The following GBE1 variants were observed in gnomAD, a reference collection of about 807,000 sequenced individuals.
GBE1 encodes 1,4-alpha-glucan branching enzyme 1.
Under a neutral mutation model 88.8 loss-of-function variants are expected in GBE1, and 70 were observed. The observed-to-expected ratio is 0.79, with a 90% CI of 0.65 to 0.96. The LOEUF (loss-of-function observed/expected upper bound fraction) is 0.96, where lower values mean the gene tolerates loss of function less well. Among genes scored for constraint, GBE1 ranks in the 40% least tolerant of loss-of-function variants. The probability of loss-of-function intolerance (pLI) is 0.00; values close to 1 mark genes in which losing one functional copy is unlikely to be tolerated. For missense variants in GBE1, 872 were observed against 871.0 expected (o/e 1.00, Z -0.01); for synonymous variants, 284 against 300.1 (o/e 0.95, Z 0.56).
At chr3:81,718,615 A>G (rs1339759440) in intron 1 of GBE1, among the ~76,000 whole-genome samples, 2 of 151,986 alleles carry the variant, frequency 1.3e-5, no homozygotes, top group Non-Finnish European at 2.9e-5. Context: ...TATCACTCCA[A>G]TAAGTTTGTT....
intron 7 of GBE1, among the ~76,000 whole-genome samples, chr3:81,595,442 G>T (rs971951934): frequency 2.0e-5 from 3 of 151,628 alleles, no homozygotes; most frequent in Non-Finnish European, 4.4e-5. Flanking sequence ...AAATTGAAAG[G>T]AAGATACAGA....
intron 12 of GBE1, among the ~76,000 whole-genome samples, chr3:81,571,522 T>C (rs1157957317): frequency 4.6e-5 from 7 of 152,310 alleles, no homozygotes; most frequent in African/African-American, 4.8e-5. Flanking sequence ...GAATCATTTA[T>C]GTTTCGAGGT....
chr3:81,602,967 G>A (rs565094648), intron 7 of GBE1, among the ~76,000 whole-genome samples: 2 of 151,980 alleles, frequency 1.3e-5, no homozygotes, highest in African/African-American at 2.4e-5. Context: ...AATTCTTGTC[G>A]TCTTCAGCCC....
At chr3:81,501,484 A>G (rs916836977) in intron 14 of GBE1, among the ~76,000 whole-genome samples, 1 of 152,102 alleles carries the variant, frequency 6.6e-6, no homozygotes, top group Non-Finnish European at 1.5e-5. Flanking sequence ...ATAATCAATA[A>G]GCCAAAGTGG....
chr3:81,738,848 C>T (rs2107216112), intron 1 of GBE1, among the ~76,000 whole-genome samples: 1 of 152,158 alleles, frequency 6.6e-6, no homozygotes, highest in Middle Eastern at 3.4e-3. Flanking sequence ...TTAAATTACC[C>T]ATAGTGTCAG....
chr3:81,635,660 C>G (rs908269881), intron 7 of GBE1, among the ~76,000 whole-genome samples: 7 of 152,112 alleles, frequency 4.6e-5, no homozygotes, highest in Non-Finnish European at 1.0e-4. Context: ...CACTTTTAAC[C>G]TGCTTATTTA....
At chr3:81,739,027 T>G (rs1706312676) in intron 1 of GBE1, among the ~76,000 whole-genome samples, 1 of 152,114 alleles carries the variant, frequency 6.6e-6, no homozygotes, top group Admixed American at 6.6e-5. Context: ...TGTTGTTGCT[T>G]CTTCATGTGG....
At chr3:81,705,805 A>G (rs1014131907) in intron 1 of GBE1, among the ~76,000 whole-genome samples, 192 bp from the exon 2 acceptor site, 1 of 152,136 alleles carries the variant, frequency 6.6e-6, no homozygotes, top group South Asian at 2.1e-4. Context: ...AAATAAACTG[A>G]GCTAATCTAA....
rs768705759 is a variant in GBE1, at chr3:81,581,288, G to C, written c.1336-13C>G. ...ACTCTTTAAGTAGCTAGACACAAGA[G>C]AGAAAAATAAGCTTCTGAGTAAAGC... On this transcript the variant is annotated splice_polypyrimidine_tract_variant and intron_variant, in intron 10 of 15. Transcript: ENST00000429644. 2.9e-6 allele frequency: 4 copies of C among 1,402,518 alleles called. No individual in the cohort carries two copies. The South Asian group carries it at 3.9e-5, about 14-fold the overall frequency. The allele number at this position is 1,402,518 out of a possible 1,614,324, so 86.9% of individuals were successfully genotyped here.
Position 81,687,077 on chromosome 3 carries a change from G to A in GBE1, c.314-16124C>T, listed in dbSNP as rs74411882. The stretch of plus-strand genomic sequence containing the variant: ...ACAATAAATACTCTACTATAGATCC[G>A]TCAATCAGATCCAGGAGTGGATCTT... On this transcript the variant is annotated intron_variant, in intron 2 of 15. Transcript: ENST00000429644. 1.5e-3 allele frequency among the ~76,000 whole-genome samples: 233 copies of A among 152,190 alleles called. 1 individual carries two copies. Among genetic ancestry groups the A allele is most frequent in the African/African-American group, 5.2e-3 (214 of 41,512 alleles).
intron 14 of GBE1, among the ~76,000 whole-genome samples, chr3:81,518,502 T>G (rs1702828379): frequency 6.6e-6 from 1 of 151,450 alleles, no homozygotes; most frequent in African/African-American, 2.4e-5. Flanking sequence ...ATGCAAAATA[T>G]TTTTCTTACT....
intron 1 of GBE1, among the ~76,000 whole-genome samples, chr3:81,729,616 TG>T (rs1208813254): frequency 6.6e-6 from 1 of 152,164 alleles, no homozygotes; most frequent in Non-Finnish European, 1.5e-5. Flanking sequence ...CAGAGTAGGA[TG>T]ATATTCATGC....
At chr3:81,586,038 A>T in intron 10 of GBE1, 54 bp downstream of exon 10, 1 of 953,288 alleles carries the variant, frequency 1.0e-6, no homozygotes, top group Non-Finnish European at 1.6e-6. Context: ...AATTAAAGAT[A>T]AATGAAGCAA....
chr3:81,578,226 T>A, intron 11 of GBE1, 130 bp from the exon 12 acceptor site: 1 of 638,944 alleles, frequency 1.6e-6, no homozygotes, highest in Non-Finnish European at 2.5e-6. Flanking sequence ...TAATATTAAT[T>A]TCAGGTATTT....
chr3:81,696,038 C>A (rs1257963041), intron 2 of GBE1, among the ~76,000 whole-genome samples: 1 of 151,870 alleles, frequency 6.6e-6, no homozygotes, highest in East Asian at 1.9e-4. Flanking sequence ...TTTTTTCCGC[C>A]CCCCCAAGAT....
chr3:81,540,303 T>C (rs1321920302), intron 12 of GBE1, among the ~76,000 whole-genome samples: 1 of 152,044 alleles, frequency 6.6e-6, no homozygotes, highest in Non-Finnish European at 1.5e-5. Context: ...ACATTACTTC[T>C]GGAGTGATTA....
intron 14 of GBE1, among the ~76,000 whole-genome samples, chr3:81,516,214 A>G (rs573208421): frequency 6.6e-6 from 1 of 151,632 alleles, no homozygotes; most frequent in Admixed American, 6.6e-5. Context: ...CTCTCTTGTT[A>G]TGGGCTAATG....
rs140040013 is a variant in GBE1 at position 81,697,731 on chromosome 3, C to A, written c.313+7713G>T. On this transcript the variant is annotated intron_variant, in intron 2 of 15. Transcript: ENST00000429644. ...TTCCCCCAGGGTATGAGGCAGGACC[C>A]TCTCAGGGTAGAGTCTTAACAACCA... 8.1e-4 allele frequency among the ~76,000 whole-genome samples: 123 copies of A among 152,180 alleles called. 3 individuals are homozygous for A. In the East Asian group the frequency reaches 0.02, roughly 25 times the overall value.
chr3:81,645,147 A>G (rs1012515736), intron 6 of GBE1, among the ~76,000 whole-genome samples: 5 of 152,220 alleles, frequency 3.3e-5, no homozygotes, highest in Non-Finnish European at 7.3e-5. Context: ...AACATATAGC[A>G]TATATTTAAG....
Sources: gnomAD v4.1 joint callset for allele counts (sites outside exome capture counted in the v4.1 genomes callset) on GRCh38, gnomAD v4.1.1 for gene constraint, MANE v1.5 for transcripts, NCBI Gene and HGNC (gene_info 2026-07-23, HGNC 2026-07-21) for gene names.